The following GPLD1 variants were observed in gnomAD, a reference collection of about 807,000 sequenced individuals.
GPLD1 encodes phosphatidylinositol-glycan-specific phospholipase D.
In GPLD1, 84 loss-of-function variants were observed where a neutral mutation model predicts 112.6. That is an observed-to-expected ratio of 0.75 (90% CI 0.63 to 0.89). The LOEUF is 0.89. Ranked by LOEUF, GPLD1 falls within the 40% of genes least tolerant of loss-of-function variation. The probability of loss-of-function intolerance (pLI) is 0.00; values close to 1 mark genes in which losing one functional copy is unlikely to be tolerated. For synonymous variants in GPLD1, 386 were observed against 403.8 expected, an observed-to-expected ratio of 0.96 and a Z score of 0.53; for missense variants, 1,044 against 1,051.5, an observed-to-expected ratio of 0.99 and a Z score of 0.10.
rs1371520011 is a variant in GPLD1, at chr6:24,428,803, G to T, written c.*229C>A. ...AAGTAAACTGTGGAAGGAGACATGA[G>T]TAAGCAGAATGTCTGCTATTTCACA... On this transcript the variant is annotated 3_prime_UTR_variant, in exon 25 of 25. Transcript: ENST00000230036. 7.6e-6 allele frequency: 3 copies of T among 394,438 alleles called. No individual in the cohort carries two copies. The highest frequency in any genetic ancestry group is 6.1e-5 in the African/African-American group (3 of 48,810). The allele number at this position is 394,438 out of a possible 1,614,324, so 24.4% of individuals were successfully genotyped here.
At chr6:24,429,248 G>C (rs1762330806) in intron 24 of GPLD1, 130 bp from the exon 25 acceptor site, 6 of 523,140 alleles carry the variant, frequency 1.1e-5, no homozygotes, top group Non-Finnish European at 1.7e-5. Flanking sequence ...CCCCTGGCTT[G>C]AACTCAAATG....
At chr6:24,469,816 G>A (rs543185676) in intron 7 of GPLD1, among the ~76,000 whole-genome samples, 86 of 151,714 alleles carry the variant, frequency 5.7e-4, no homozygotes, top group Non-Finnish European at 7.1e-4. Flanking sequence ...ATAAAAAATC[G>A]CAACCAATAA....
upstream of GPLD1, among the ~76,000 whole-genome samples, chr6:24,492,358 T>C (rs564022416): frequency 1.3e-4 from 19 of 151,882 alleles, no homozygotes; most frequent in East Asian, 3.7e-3. Flanking sequence ...ATACAAAAAT[T>C]AGCCAGGCAT....
intron 3 of GPLD1, among the ~76,000 whole-genome samples, chr6:24,478,808 T>C (rs1764107229): frequency 6.6e-6 from 1 of 152,086 alleles, no homozygotes; most frequent in South Asian, 2.1e-4. Context: ...GAACTATCTT[T>C]TGCAATTCCT....
chr6:24,454,315 C>CCA (rs1763197535), intron 13 of GPLD1, 114 bp from the exon 14 acceptor site: 1 of 634,568 alleles, frequency 1.6e-6, no homozygotes, highest in Non-Finnish European at 2.6e-6. Flanking sequence ...ACTGACTTTT[C>CCA]CACCCTGCGT....
At chr6:24,489,324 T>C in intron 1 of GPLD1, 91 bp downstream of exon 1, 2 of 954,408 alleles carry the variant, frequency 2.1e-6, no homozygotes, top group Admixed American at 2.0e-5. Flanking sequence ...GGAAACTGTA[T>C]CAATCCACGA....
chr6:24,427,092 C>T lies in GPLD1; in HGVS notation c.*1940G>A, dbSNP rs1377104165. 6.6e-6 allele frequency among the ~76,000 whole-genome samples: 1 copy of T among 152,188 alleles called. No individual in the cohort carries two copies. Among genetic ancestry groups the T allele is most frequent in the Non-Finnish European group, 1.5e-5 (1 of 68,046 alleles). On this transcript the variant is annotated 3_prime_UTR_variant, in exon 25 of 25. Coordinates refer to ENST00000230036, the MANE Select transcript of GPLD1 (RefSeq NM_001503.4). ...TGTTATTTTCTCCTGCTTTTAGTATCATCTCACCCGTGGCAGAAGAAAGAG... is the reference window on the plus strand; with the variant it reads ...TGTTATTTTCTCCTGCTTTTAGTATTATCTCACCCGTGGCAGAAGAAAGAG...
intron 1 of GPLD1, 141 bp downstream of exon 1, chr6:24,489,274 T>G: frequency 1.6e-6 from 1 of 626,328 alleles, no homozygotes; most frequent in South Asian, 2.1e-5. Context: ...ATCACCGGCT[T>G]CTCCTCCCTG....
chr6:24,479,094 A>G (rs1332260573), intron 3 of GPLD1, among the ~76,000 whole-genome samples: 2 of 152,058 alleles, frequency 1.3e-5, no homozygotes, highest in African/African-American at 4.8e-5. Flanking sequence ...AATCAGAAAC[A>G]TTCCAAACCC....
chr6:24,471,917 G>T (rs1416991609), intron 7 of GPLD1, among the ~76,000 whole-genome samples: 1 of 152,090 alleles, frequency 6.6e-6, no homozygotes, highest in African/African-American at 2.4e-5. Flanking sequence ...GACATCAGAA[G>T]TACACATTAC....
intron 20 of GPLD1, among the ~76,000 whole-genome samples, chr6:24,438,009 G>T (rs537823824): frequency 6.6e-6 from 1 of 152,320 alleles, no homozygotes; most frequent in South Asian, 2.1e-4. Flanking sequence ...ACTGCAGACA[G>T]CTGGGGCCCA....
chr6:24,444,196 A>C (rs2127326862), intron 20 of GPLD1, among the ~76,000 whole-genome samples: 1 of 152,338 alleles, frequency 6.6e-6, no homozygotes, highest in South Asian at 2.1e-4. Context: ...CAATAGTGTG[A>C]AACTGGAAAC....
downstream of GPLD1, chr6:24,424,320 C>CTT (rs1762156694): frequency 1.3e-5 from 2 of 151,308 alleles, no homozygotes; most frequent in Non-Finnish European, 2.9e-5. Context: ...GACTAGTTTT[C>CTT]TTTGCTCTCT....
At chr6:24,460,011 G>C (rs958731393) in intron 12 of GPLD1, among the ~76,000 whole-genome samples, 3 of 152,124 alleles carry the variant, frequency 2.0e-5, no homozygotes, top group Non-Finnish European at 4.4e-5. Context: ...CAATCCTCCT[G>C]CCTTAGCCTC....
At chr6:24,452,865 T>G (rs559207217) in intron 14 of GPLD1, among the ~76,000 whole-genome samples, 38 of 151,948 alleles carry the variant, frequency 2.5e-4, no homozygotes, top group African/African-American at 8.2e-4. Flanking sequence ...GTGCCTTGCC[T>G]GGAACAAGAA....
intron 2 of GPLD1, among the ~76,000 whole-genome samples, chr6:24,483,455 G>C (rs983214844): frequency 1.3e-5 from 2 of 151,720 alleles, no homozygotes; most frequent in African/African-American, 2.4e-5. Flanking sequence ...GCGGCGGGTG[G>C]ATCACTTGAG....
At chr6:24,482,221 C>T (rs1764227289) in intron 2 of GPLD1, among the ~76,000 whole-genome samples, 1 of 151,430 alleles carries the variant, frequency 6.6e-6, no homozygotes, top group South Asian at 2.1e-4. Flanking sequence ...CTGCCTCGGC[C>T]TTCTGAGTAG....
chr6:24,454,471 C>G (rs558373398), intron 13 of GPLD1, among the ~76,000 whole-genome samples: 151 of 137,754 alleles, frequency 1.1e-3, no homozygotes, highest in African/African-American at 3.2e-3. Context: ...AAAGTATACT[C>G]ATGAAGCTTC....
At position 24,460,353 on chromosome 6, in the gene GPLD1, G is replaced by A. The variant is rs559689521; in HGVS notation, c.934C>T (p.Leu312=). ...NDFHRNLTTS[L]TESVDRNINY... is the part of the protein sequence containing the mutation. ...ATATTCCTGTCAACACTTTCAGTTA[G>A]GGATGTAGTCAAATTTCTGTGAAAA... Residue 312 remains leucine, a synonymous_variant, in exon 12 of 25, where the codon CTA becomes TTA. Transcript: ENST00000230036. 2.5e-5 allele frequency: 41 copies of A among 1,612,824 alleles called. No homozygotes were observed. Among genetic ancestry groups the A allele is most frequent in the Non-Finnish European group, 2.9e-5 (34 of 1,178,932 alleles).
Sources: gnomAD v4.1 joint callset for allele counts (sites outside exome capture counted in the v4.1 genomes callset) on GRCh38, gnomAD v4.1.1 for gene constraint, MANE v1.5 for transcripts, NCBI Gene and HGNC (gene_info 2026-07-23, HGNC 2026-07-21) for gene names.